Variants in BPNT1 observed in about 807,000 individuals in gnomAD.
The protein encoded by BPNT1 is 3'(2'), 5'-bisphosphate nucleotidase 1, also known as 3'(2'),5'-bisphosphate nucleotidase 1.
BPNT1 carries 28 observed loss-of-function variants against 36.9 expected under a neutral mutation model. The observed-to-expected ratio is 0.76, with a 90% CI of 0.56 to 1.04. The LOEUF (loss-of-function observed/expected upper bound fraction) is 1.04, where lower values mean the gene tolerates loss of function less well. BPNT1 is among the 50% of genes least tolerant of loss of function. The probability of loss-of-function intolerance (pLI) is 0.00; values close to 1 mark genes in which losing one functional copy is unlikely to be tolerated. For synonymous variants in BPNT1, 119 were observed against 130.9 expected, an observed-to-expected ratio of 0.91 and a Z score of 0.62; for missense variants, 313 against 372.9, an observed-to-expected ratio of 0.84 and a Z score of 1.32.
intron 2 of BPNT1, among the ~76,000 whole-genome samples, chr1:220,079,009 A>G (rs1033466762): frequency 3.9e-5 from 6 of 152,164 alleles, no homozygotes; most frequent in Admixed American, 6.6e-5. Flanking sequence ...TACTGGGAAA[A>G]ACACGCTTGC....
intron 8 of BPNT1, 128 bp from the exon 9 acceptor site, chr1:220,059,120 T>C: frequency 1.2e-6 from 1 of 845,452 alleles, no homozygotes. Context: ...AAATAATGAG[T>C]GTCCATAAAG....
intron 6 of BPNT1, among the ~76,000 whole-genome samples, chr1:220,066,816 A>C (rs1458118875): frequency 6.6e-6 from 1 of 152,200 alleles, no homozygotes; most frequent in Non-Finnish European, 1.5e-5. Context: ...TACCTGGAAA[A>C]CAACAGGCCT....
intron 2 of BPNT1, among the ~76,000 whole-genome samples, chr1:220,076,500 C>CAA (rs35221551): frequency 2.2e-4 from 13 of 58,000 alleles, no homozygotes; most frequent in African/African-American, 7.2e-4. Flanking sequence ...GACTCCATCT[C>CAA]AAAAAAAAAA....
chr1:220,061,686 G>T (rs918612642), intron 7 of BPNT1, among the ~76,000 whole-genome samples: 7 of 152,056 alleles, frequency 4.6e-5, no homozygotes, highest in African/African-American at 1.7e-4. Context: ...TAGTAAAACA[G>T]GGAGAGAAAC....
At chr1:220,060,312 T>A (rs1346722379) in intron 7 of BPNT1, among the ~76,000 whole-genome samples, 1 of 152,010 alleles carries the variant, frequency 6.6e-6, no homozygotes, top group Non-Finnish European at 1.5e-5. Flanking sequence ...CCATCTCTAC[T>A]AAAAATACAA....
At chr1:220,079,616 G>A (rs1477957779) in intron 2 of BPNT1, 111 bp downstream of exon 2, 21 of 1,342,710 alleles carry the variant, frequency 1.6e-5, no homozygotes, top group Non-Finnish European at 2.1e-5. Flanking sequence ...TCTCCCTAAG[G>A]GAGCCATCAA....
At chr1:220,078,461 TA>T (rs1032712033) in intron 2 of BPNT1, among the ~76,000 whole-genome samples, 4 of 119,760 alleles carry the variant, frequency 3.3e-5, no homozygotes, top group African/African-American at 6.8e-5. Flanking sequence ...TATATATAAA[TA>T]ATAAATAATT....
chr1:220,069,548 G>A, intron 4 of BPNT1, 116 bp from the exon 5 acceptor site: 5 of 682,478 alleles, frequency 7.3e-6, no homozygotes, highest in Non-Finnish European at 1.2e-5. Flanking sequence ...ATTATGGATG[G>A]CTTAAATTAA....
At chr1:220,060,371 G>A (rs1662911697) in intron 7 of BPNT1, among the ~76,000 whole-genome samples, 1 of 152,094 alleles carries the variant, frequency 6.6e-6, no homozygotes, top group Non-Finnish European at 1.5e-5. Context: ...AGCTACTTGG[G>A]AGGCTGAGGC....
At chr1:220,076,685 TA>T (rs1027918662) in intron 2 of BPNT1, among the ~76,000 whole-genome samples, 21 of 138,568 alleles carry the variant, frequency 1.5e-4, no homozygotes, top group Admixed American at 3.0e-4. Context: ...AACTCCTTCT[TA>T]AAAAAAAAAA....
chr1:220,081,492 G>C (rs1158460002), intron 1 of BPNT1, among the ~76,000 whole-genome samples: 1 of 151,832 alleles, frequency 6.6e-6, no homozygotes, highest in Non-Finnish European at 1.5e-5. Context: ...GCAGTGAGCA[G>C]AGATCGCACC....
At chr1:220,078,334 TATAATTAATA>T (rs917898051) in intron 2 of BPNT1, among the ~76,000 whole-genome samples, 39 of 144,518 alleles carry the variant, frequency 2.7e-4, no homozygotes, top group Non-Finnish European at 5.6e-4. Flanking sequence ...ACATATAATA[TATAATTAATA>T]ATAATTTATA....
At chr1:220,086,669 G>A (rs1385313619) in intron 1 of BPNT1, among the ~76,000 whole-genome samples, 6 of 151,276 alleles carry the variant, frequency 4.0e-5, no homozygotes, top group Admixed American at 6.6e-5. Flanking sequence ...TCCGCCTCCC[G>A]GGTTCAGCCG....
rs548632419 is a variant in BPNT1, at chr1:220,059,634, C to T, written c.778+52G>A. On this transcript the variant is annotated intron_variant, in intron 8 of 8. Coordinates refer to ENST00000322067, the MANE Select transcript of BPNT1 (RefSeq NM_006085.6). ...ATATTACTGAGATATTATGTCTTAG[C>T]ATGATATAATTGTAGAAAAACTATG... 89 of 1,294,120 alleles carry T rather than the reference C, an allele frequency of 6.9e-5. 2 individuals are homozygous for T. The South Asian group carries it at 1.1e-3, about 17-fold the overall frequency. 80.2% of individuals were successfully genotyped at this position (1,294,120 alleles called of 1,614,324 possible).
chr1:220,060,099 C>T (rs905070499), intron 7 of BPNT1, among the ~76,000 whole-genome samples: 3 of 152,100 alleles, frequency 2.0e-5, no homozygotes, highest in Non-Finnish European at 1.5e-5. Flanking sequence ...CTTTTATTCA[C>T]GTTGTTTTTC....
chr1:220,070,787 T>C (rs1663995402), intron 4 of BPNT1, among the ~76,000 whole-genome samples: 2 of 150,642 alleles, frequency 1.3e-5, no homozygotes, highest in African/African-American at 4.9e-5. Context: ...AAAGAGATTA[T>C]TTTTTCCCCA....
Position 220,085,073 on chromosome 1 carries a change from T to TA in BPNT1, c.-9+4612dup, listed in dbSNP as rs558004798. On this transcript the variant is annotated intron_variant, in intron 1 of 8. Transcript: ENST00000322067. ...GATGAATACAATGTTGGTTCTTGGT[T>TA]AAAAAAAAAAAAAGAAAAAATACAT... Among the ~76,000 whole-genome samples, 896 of 141,120 alleles carry TA rather than the reference T, an allele frequency of 6.3e-3. 3 individuals carry two copies. Among genetic ancestry groups the TA allele is most frequent in the African/African-American group, 0.02 (774 of 38,502 alleles). 92.6% of individuals were successfully genotyped at this position (141,120 alleles called of 152,430 possible).
At chr1:220,062,294 T>A (rs1335755769) in intron 7 of BPNT1, among the ~76,000 whole-genome samples, 4 of 67,358 alleles carry the variant, frequency 5.9e-5, no homozygotes, top group African/African-American at 2.4e-4. Context: ...CCCTCCCCCC[T>A]CCCCCCACCC....
intron 3 of BPNT1, among the ~76,000 whole-genome samples, chr1:220,073,538 C>T (rs534301826): frequency 2.0e-5 from 3 of 152,250 alleles, no homozygotes; most frequent in South Asian, 4.1e-4. Flanking sequence ...GTGATTCGCC[C>T]GCCTCAGCCT....
Sources: allele counts gnomAD v4.1 joint callset (sites outside exome capture counted in the v4.1 genomes callset), GRCh38; gene constraint gnomAD v4.1.1; transcripts MANE v1.5; gene names NCBI Gene and HGNC (gene_info 2026-07-23, HGNC 2026-07-21).